Variants in KCNB2 observed in about 807,000 individuals in gnomAD.
KCNB2 encodes the protein delayed rectifier potassium channel protein.
In KCNB2, 15 loss-of-function variants were observed where a neutral mutation model predicts 61.5. That is an observed-to-expected ratio of 0.24 (90% CI 0.16 to 0.38). KCNB2 has a LOEUF of 0.38. KCNB2 is among the 10% of genes least tolerant of loss of function. The pLI, the probability that KCNB2 is intolerant of heterozygous loss-of-function variation, is 1.00. For synonymous variants in KCNB2, 457 were observed against 446.0 expected, an observed-to-expected ratio of 1.02 and a Z score of -0.31; for missense variants, 828 against 1,125.2, an observed-to-expected ratio of 0.74 and a Z score of 3.78.
At chr8:72,725,575 G>GTATA (rs752447652) in intron 2 of KCNB2, among the ~76,000 whole-genome samples, 117 of 80,478 alleles carry the variant, frequency 1.5e-3, no homozygotes, top group Middle Eastern at 7.5e-3. Context: ...GTATATATAT[G>GTATA]TATATATATA....
intron 2 of KCNB2, among the ~76,000 whole-genome samples, chr8:72,695,393 T>C (rs1201849446): frequency 2.6e-5 from 4 of 152,220 alleles, no homozygotes; most frequent in Non-Finnish European, 4.4e-5. Flanking sequence ...AAATAAAATA[T>C]CTTCTTCAAA....
intron 2 of KCNB2, among the ~76,000 whole-genome samples, chr8:72,907,473 AAAG>A (rs1563420354): frequency 6.6e-6 from 1 of 152,058 alleles, no homozygotes; most frequent in African/African-American, 2.4e-5. Flanking sequence ...TACACTATGC[AAAG>A]AAGAAGATGG....
chr8:72,908,624 A>G (rs1314349922), intron 2 of KCNB2, among the ~76,000 whole-genome samples: 3 of 152,228 alleles, frequency 2.0e-5, no homozygotes, highest in African/African-American at 7.2e-5. Flanking sequence ...GGATAAAATT[A>G]TAAACAGCCT....
intron 2 of KCNB2, among the ~76,000 whole-genome samples, chr8:72,871,571 A>G (rs569569180): frequency 3.3e-4 from 50 of 152,346 alleles, no homozygotes; most frequent in African/African-American, 1.2e-3. Context: ...CCCAGTGTTG[A>G]CATGCAATAG....
At chr8:72,696,032 C>T (rs1807012316) in intron 2 of KCNB2, among the ~76,000 whole-genome samples, 3 of 152,158 alleles carry the variant, frequency 2.0e-5, no homozygotes, top group South Asian at 2.1e-4. Flanking sequence ...TTTCCTAAAG[C>T]GATTTAGTAA....
chr8:72,867,138 T>A (rs879486155), intron 2 of KCNB2, among the ~76,000 whole-genome samples: 6 of 152,186 alleles, frequency 3.9e-5, no homozygotes, highest in Non-Finnish European at 8.8e-5. Context: ...GAGATATGGG[T>A]CAACTGTCCA....
At chr8:72,641,085 G>A (rs1000358020) in intron 2 of KCNB2, among the ~76,000 whole-genome samples, 2 of 152,078 alleles carry the variant, frequency 1.3e-5, no homozygotes, top group East Asian at 1.9e-4. Flanking sequence ...AGATCAAGCC[G>A]TTGCCACCTT....
intron 2 of KCNB2, among the ~76,000 whole-genome samples, chr8:72,844,162 G>T (rs1433718906): frequency 6.6e-6 from 1 of 152,170 alleles, no homozygotes; most frequent in Non-Finnish European, 1.5e-5. Context: ...GCATTTGCTT[G>T]TCTGTAAGGG....
chr8:72,905,059 TG>T (rs974207497), intron 2 of KCNB2, among the ~76,000 whole-genome samples: 2 of 152,148 alleles, frequency 1.3e-5, no homozygotes, highest in African/African-American at 4.8e-5. Context: ...ATGAAACACC[TG>T]CTAAGTACTG....
At chr8:72,758,225 A>G (rs1023870504) in intron 2 of KCNB2, among the ~76,000 whole-genome samples, 2 of 152,214 alleles carry the variant, frequency 1.3e-5, no homozygotes, top group African/African-American at 4.8e-5. Context: ...AAGTTGACCA[A>G]GGACAAATAA....
At position 72,609,398 on chromosome 8, in the gene KCNB2, TTTTCAAGAA is replaced by T. The variant is rs765655175; in HGVS notation, c.579+41086_579+41094del. Among the ~76,000 whole-genome samples the T allele has an allele frequency of 3.5e-4, 53 of 152,350 alleles. No individual in the cohort carries two copies. The East Asian group carries it at 5.2e-3, about 15-fold the overall frequency. On this transcript the variant is annotated intron_variant, in intron 2 of 2. Coordinates refer to ENST00000523207, the MANE Select transcript of KCNB2 (RefSeq NM_004770.3). ...TCATAAAATTTCAGTCAACACTTCT[TTTTCAAGAA>T]GTTCCGTTAGAAGTGAGTTACATTT...
intron 2 of KCNB2, among the ~76,000 whole-genome samples, chr8:72,929,775 A>G (rs1806738065): frequency 1.3e-5 from 2 of 152,176 alleles, no homozygotes; most frequent in Admixed American, 1.3e-4. Context: ...CCCTGGCCGT[A>G]TACACACATA....
chr8:72,583,569 T>G (rs1168598382), intron 2 of KCNB2, among the ~76,000 whole-genome samples: 1 of 152,204 alleles, frequency 6.6e-6, no homozygotes, highest in Non-Finnish European at 1.5e-5. Context: ...CTGTGTAGCC[T>G]CTTAGCAGGG....
At chr8:72,820,032 T>C (rs1336361752) in intron 2 of KCNB2, among the ~76,000 whole-genome samples, 2 of 152,126 alleles carry the variant, frequency 1.3e-5, no homozygotes, top group African/African-American at 4.8e-5. Context: ...AACTCCCATC[T>C]TGTAGGCCCC....
chr8:72,699,446 T>TA (rs34446398), intron 2 of KCNB2, among the ~76,000 whole-genome samples: 1 of 15,388 alleles, frequency 6.5e-5, no homozygotes, highest in Non-Finnish European at 1.5e-4. Context: ...GGGTTGTTTG[T>TA]TTTTTTTCTT....
intron 2 of KCNB2, among the ~76,000 whole-genome samples, chr8:72,834,862 T>A (rs16938410): frequency 0.2 from 30,068 of 152,044 alleles, 3,070 homozygotes; most frequent in Admixed American, 0.27. Context: ...CTGAAATGTA[T>A]ATAGTATCGC....
intron 2 of KCNB2, among the ~76,000 whole-genome samples, chr8:72,718,236 T>C (rs1217114348): frequency 1.3e-5 from 2 of 152,268 alleles, no homozygotes; most frequent in South Asian, 4.1e-4. Flanking sequence ...CTAGTTCAAC[T>C]ATTGTGGAAG....
intron 1 of KCNB2, among the ~76,000 whole-genome samples, chr8:72,561,699 A>ATATATG (rs1806516139): frequency 2.1e-4 from 4 of 18,766 alleles, no homozygotes; most frequent in South Asian, 1.3e-3. Context: ...TTTTATATAT[A>ATATATG]TATATATATA....
intron 2 of KCNB2, among the ~76,000 whole-genome samples, chr8:72,860,812 T>C (rs1810287497): frequency 6.6e-6 from 1 of 152,242 alleles, no homozygotes; most frequent in Admixed American, 6.5e-5. Flanking sequence ...CTCAAATGCA[T>C]GATGCATCTT....
Sources: gnomAD v4.1 joint callset for allele counts (sites outside exome capture counted in the v4.1 genomes callset) on GRCh38, gnomAD v4.1.1 for gene constraint, MANE v1.5 for transcripts, NCBI Gene and HGNC (gene_info 2026-07-23, HGNC 2026-07-21) for gene names.